Variants in GALNT17 observed in about 807,000 individuals in gnomAD.
The protein encoded by GALNT17 is polypeptide N-acetylgalactosaminyltransferase 17.
In GALNT17, 29 loss-of-function variants were observed where a neutral mutation model predicts 63.7. The ratio of observed to expected loss-of-function variants is 0.46; its 90% CI spans 0.34 to 0.62. GALNT17 has a LOEUF of 0.62. GALNT17 is among the 20% of genes least tolerant of loss of function. The pLI is 0.01. For synonymous variants in GALNT17, 305 were observed against 318.3 expected, an observed-to-expected ratio of 0.96 and a Z score of 0.45; for missense variants, 603 against 799.6, an observed-to-expected ratio of 0.75 and a Z score of 2.97.
Position 71,606,547 on chromosome 7 carries a change from T to A in GALNT17, c.1080+35145T>A, listed in dbSNP as rs149947521. On this transcript the variant is annotated intron_variant, in intron 6 of 10. Coordinates refer to ENST00000333538, the MANE Select transcript of GALNT17 (RefSeq NM_022479.3). ...GCAACAGCACACTTCCATCTTCACATATGTCAAGGTTCTTGCACGTGGTAC... is the reference window on the plus strand; with the variant it reads ...GCAACAGCACACTTCCATCTTCACAAATGTCAAGGTTCTTGCACGTGGTAC... Among the ~76,000 whole-genome samples the A allele has an allele frequency of 1.9e-3, 294 of 152,258 alleles. 2 individuals are homozygous for A. Among genetic ancestry groups the A allele is most frequent in the African/African-American group, 6.7e-3 (279 of 41,570 alleles).
At chr7:71,141,387 A>G (rs1562856020) in intron 1 of GALNT17, among the ~76,000 whole-genome samples, 3 of 152,032 alleles carry the variant, frequency 2.0e-5, no homozygotes, top group African/African-American at 7.2e-5. Context: ...AAAAAAAGAA[A>G]AGAAAAAAAA....
chr7:71,137,412 T>TA lies in GALNT17; in HGVS notation c.238+4373dup, dbSNP rs1227590330. Among the ~76,000 whole-genome samples, 5 of 152,312 alleles carry TA rather than the reference T, an allele frequency of 3.3e-5. No individual in the cohort carries two copies. The South Asian group carries it at 6.2e-4, about 19-fold the overall frequency. On this transcript the variant is annotated intron_variant, in intron 1 of 10. Transcript: ENST00000333538. Reference sequence around the variant, plus strand: ...CCTCGGCCTCCCAAGGTGCTGGGATTACAGGCGTGAGCCACCGCGCCCGGC... The same window carrying TA: ...CCTCGGCCTCCCAAGGTGCTGGGATTAACAGGCGTGAGCCACCGCGCCCGGC...
chr7:71,197,217 T>TG (rs1789067863), intron 1 of GALNT17, among the ~76,000 whole-genome samples: 1 of 117,264 alleles, frequency 8.5e-6, no homozygotes, highest in Non-Finnish European at 1.7e-5. Flanking sequence ...TTTTTTTTTT[T>TG]GAGACAGAGT....
intron 1 of GALNT17, among the ~76,000 whole-genome samples, chr7:71,209,967 G>A (rs1789344952): frequency 6.6e-6 from 1 of 151,974 alleles, no homozygotes; most frequent in Non-Finnish European, 1.5e-5. Context: ...CTGTCACCGA[G>A]GCTGGAGTGC....
intron 1 of GALNT17, among the ~76,000 whole-genome samples, chr7:71,168,342 G>T (rs1788483538): frequency 6.6e-6 from 1 of 152,148 alleles, no homozygotes; most frequent in African/African-American, 2.4e-5. Context: ...GGGAGGCCGA[G>T]ATGGGTGGAT....
chr7:71,358,764 CTTTTCTTTTTCT>C, intron 2 of GALNT17, among the ~76,000 whole-genome samples: 1 of 151,716 alleles, frequency 6.6e-6, no homozygotes. Context: ...TTTTTCTTTT[CTTTTCTTTTTCT>C]TTTTCTTTTT....
chr7:71,593,024 C>T (rs1051136946), intron 6 of GALNT17, among the ~76,000 whole-genome samples: 4 of 152,050 alleles, frequency 2.6e-5, no homozygotes, highest in African/African-American at 9.6e-5. Context: ...TGGTGCACAC[C>T]TGTAGTCCCA....
chr7:71,628,444 T>A (rs1015280737), intron 6 of GALNT17, among the ~76,000 whole-genome samples: 3 of 152,018 alleles, frequency 2.0e-5, no homozygotes, highest in African/African-American at 7.2e-5. Flanking sequence ...TGCCCCAGCC[T>A]CCCGAGTAAC....
At chr7:71,695,266 A>G (rs1791523043) in intron 9 of GALNT17, among the ~76,000 whole-genome samples, 1 of 152,214 alleles carries the variant, frequency 6.6e-6, no homozygotes, top group South Asian at 2.1e-4. Flanking sequence ...ATCCGCTCCT[A>G]GAACTGTCTC....
intron 5 of GALNT17, among the ~76,000 whole-genome samples, chr7:71,503,538 A>G (rs538147303): frequency 6.6e-6 from 1 of 152,122 alleles, no homozygotes; most frequent in Non-Finnish European, 1.5e-5. Flanking sequence ...TGCCTGGCCT[A>G]TATCACTTTT....
chr7:71,386,215 G>C (rs1039022187), intron 2 of GALNT17, among the ~76,000 whole-genome samples: 3 of 152,178 alleles, frequency 2.0e-5, no homozygotes, highest in African/African-American at 2.4e-5. Flanking sequence ...AACACATATT[G>C]TAACAAAACT....
chr7:71,410,248 AT>A (rs201714940), intron 3 of GALNT17, among the ~76,000 whole-genome samples: 1,416 of 141,028 alleles, frequency 0.01, 8 homozygotes, highest in Middle Eastern at 0.018. Context: ...TTCTTTCCTG[AT>A]TTTTTTTTTT....
Position 71,265,118 on chromosome 7 carries a change from AT to A in GALNT17, c.239-70406del, listed in dbSNP as rs60738546. 6.3e-3 allele frequency among the ~76,000 whole-genome samples: 234 copies of A among 37,372 alleles called. 1 individual carries two copies. The highest frequency in any genetic ancestry group is 0.011 in the South Asian group (9 of 798). The allele number at this position is 37,372 out of a possible 152,430, so 24.5% of individuals were successfully genotyped here. A position where few individuals can be genotyped will look rare whatever the true frequency, so the allele number is the denominator to read the frequency against. ...AAATATTATATATATATATATATAT[AT>A]TTTTTTTTTTTTTTTTTTTTTTTTT... On this transcript the variant is annotated intron_variant, in intron 1 of 10. Coordinates refer to ENST00000333538, the MANE Select transcript of GALNT17 (RefSeq NM_022479.3).
intron 5 of GALNT17, among the ~76,000 whole-genome samples, chr7:71,504,308 T>C (rs1384093397): frequency 1.3e-5 from 2 of 151,540 alleles, no homozygotes; most frequent in African/African-American, 2.4e-5. Context: ...GGCAGGAGAA[T>C]TGCTTGAACC....
chr7:71,609,658 T>C (rs1525719), intron 6 of GALNT17, among the ~76,000 whole-genome samples: 146,667 of 152,256 alleles, frequency 0.96, 70,845 homozygotes, highest in East Asian at 1. Flanking sequence ...TCCACCCCCT[T>C]GAGCATTTAT....
intron 6 of GALNT17, among the ~76,000 whole-genome samples, chr7:71,650,236 G>C (rs1790735251): frequency 6.6e-6 from 1 of 152,188 alleles, no homozygotes; most frequent in African/African-American, 2.4e-5. Context: ...TGGGCCATAT[G>C]ACATCAATCA....
In GALNT17 at chr7:71,420,917, G is replaced by A. The variant is rs138385323; in HGVS notation, c.774G>A (p.Pro258=). 6.7e-5 allele frequency: 108 copies of A among 1,613,968 alleles called. 1 individual carries two copies. The highest frequency in any genetic ancestry group is 3.5e-4 in the South Asian group (32 of 91,080). ...HVEFTAGWAE[P]VLSRIQENRK... ...TTTCTCTATGTTTCAGGGCTGAGCC[G>A]GTTCTATCCCGCATCCAGGAAAACC... Residue 258 remains proline, a synonymous_variant, in exon 5 of 11, where the codon CCG becomes CCA. Coordinates refer to ENST00000333538, the MANE Select transcript of GALNT17 (RefSeq NM_022479.3).
At chr7:71,638,826 A>C (rs148128261) in intron 6 of GALNT17, among the ~76,000 whole-genome samples, 1 of 152,314 alleles carries the variant, frequency 6.6e-6, no homozygotes, top group Non-Finnish European at 1.5e-5. Flanking sequence ...GAAACAAGCC[A>C]GACACAGAAA....
chr7:71,616,216 G>C (rs1279694465), intron 6 of GALNT17, among the ~76,000 whole-genome samples: 2 of 151,994 alleles, frequency 1.3e-5, no homozygotes, highest in African/African-American at 2.4e-5. Context: ...GTCTGTTCGA[G>C]TACCCTAGGG....
Sources: gnomAD v4.1 joint callset for allele counts (sites outside exome capture counted in the v4.1 genomes callset) on GRCh38, gnomAD v4.1.1 for gene constraint, MANE v1.5 for transcripts, NCBI Gene and HGNC (gene_info 2026-07-23, HGNC 2026-07-21) for gene names.